CTNNA3: variants seen among roughly 807,000 people sequenced by gnomAD.
CTNNA3 encodes catenin alpha 3.
Under a neutral mutation model 95.7 loss-of-function variants are expected in CTNNA3, and 76 were observed. That is an observed-to-expected ratio of 0.79 (90% CI 0.66 to 0.96). CTNNA3 has a LOEUF of 0.96. CTNNA3 is among the 40% of genes least tolerant of loss of function. CTNNA3 has a pLI of 0.00. For missense variants in CTNNA3, 1,191 were observed against 1,089.8 expected, an observed-to-expected ratio of 1.09 and a Z score of -1.31; for synonymous variants, 431 against 374.4, an observed-to-expected ratio of 1.15 and a Z score of -1.74.
chr10:66,054,365 T>C (rs1394104135), intron 15 of CTNNA3, among the ~76,000 whole-genome samples: 1 of 152,160 alleles, frequency 6.6e-6, no homozygotes, highest in African/African-American at 2.4e-5. Context: ...GAGTTTCCCT[T>C]TTTCCACATT....
chr10:66,161,544 G>C (rs142849344), intron 13 of CTNNA3, among the ~76,000 whole-genome samples: 1,527 of 152,290 alleles, frequency 0.01, 34 homozygotes, highest in African/African-American at 0.035. Context: ...TTTCTAGCTT[G>C]TAGGGTTTCT....
chr10:67,287,113 G>A lies in CTNNA3; in HGVS notation c.580-67243C>T, dbSNP rs1589127737. ...CCAGCACTTTGGGAGGCGGAGGCAG[G>A]TGGATCATGAGGTCAGGAGTTCGAG... On this transcript the variant is annotated intron_variant, in intron 5 of 17. Coordinates refer to ENST00000433211, the MANE Select transcript of CTNNA3 (RefSeq NM_013266.4). Among the ~76,000 whole-genome samples, 5 of 152,168 alleles carry A rather than the reference G, an allele frequency of 3.3e-5. No homozygotes were observed. In the South Asian group the frequency reaches 8.3e-4, roughly 25 times the overall value.
chr10:66,178,340 T>C (rs1169679016), intron 13 of CTNNA3, among the ~76,000 whole-genome samples: 2 of 147,532 alleles, frequency 1.4e-5, no homozygotes, highest in South Asian at 2.1e-4. Context: ...TATATGTGTA[T>C]ACACATATAT....
At chr10:67,525,158 GT>G (rs11367001) in intron 4 of CTNNA3, among the ~76,000 whole-genome samples, 60,071 of 147,784 alleles carry the variant, frequency 0.41, 15,060 homozygotes, top group African/African-American at 0.69. Context: ...TTTATCCTGT[GT>G]TTTTTTTTTT....
intron 3 of CTNNA3, among the ~76,000 whole-genome samples, chr10:67,558,856 G>T (rs1248999719): frequency 3.3e-5 from 5 of 152,226 alleles, no homozygotes; most frequent in Admixed American, 1.3e-4. Flanking sequence ...GGCTCGGAGG[G>T]TCCTACGCCC....
intron 9 of CTNNA3, among the ~76,000 whole-genome samples, chr10:66,696,447 T>C (rs925423149): frequency 7.9e-5 from 12 of 152,184 alleles, no homozygotes; most frequent in African/African-American, 2.9e-4. Context: ...CACCTCTTGG[T>C]ACATAATAAT....
intron 7 of CTNNA3, among the ~76,000 whole-genome samples, chr10:67,043,789 T>C (rs578156567): frequency 1.3e-5 from 2 of 152,320 alleles, no homozygotes; most frequent in East Asian, 1.9e-4. Context: ...TTAGGTTTTA[T>C]GCACAGCAAC....
At chr10:67,446,741 G>A (rs1846763590) in intron 5 of CTNNA3, among the ~76,000 whole-genome samples, 4 of 152,064 alleles carry the variant, frequency 2.6e-5, no homozygotes, top group Admixed American at 2.0e-4. Context: ...AGGGAGATAG[G>A]AGCCCTATCT....
chr10:66,638,136 T>C (rs1034001638), intron 9 of CTNNA3, among the ~76,000 whole-genome samples: 8 of 152,202 alleles, frequency 5.3e-5, no homozygotes, highest in African/African-American at 9.7e-5. Context: ...AGCAATGCCA[T>C]TCTAGGCGTT....
rs138566393 is a variant in CTNNA3 at position 67,679,788 on chromosome 10, G to T, written c.-6+16212C>A. 1.2e-3 allele frequency among the ~76,000 whole-genome samples: 190 copies of T among 152,278 alleles called. 1 individual carries two copies. The highest frequency in any genetic ancestry group is 4.0e-3 in the African/African-American group (167 of 41,576). On this transcript the variant is annotated intron_variant, in intron 1 of 17. Coordinates refer to ENST00000433211, the MANE Select transcript of CTNNA3 (RefSeq NM_013266.4). ...GCTATCTCATACACTGTTGGTCAAA[G>T]TGAATATTGGTAAAATCTCTTTGAA...
rs573151078 is a variant in CTNNA3 at position 66,299,987 on chromosome 10, G to A, written c.1733-19366C>T. Among the ~76,000 whole-genome samples the A allele has an allele frequency of 5.3e-5, 8 of 152,148 alleles. No individual in the cohort carries two copies. The South Asian group carries it at 1.7e-3, about 32-fold the overall frequency. Reference sequence around the variant, plus strand: ...GGTTCACTGCAACCTCTGCCTCCCAGGTATAAGCAATTCTCCTGCCTCAGC... The same window carrying A: ...GGTTCACTGCAACCTCTGCCTCCCAAGTATAAGCAATTCTCCTGCCTCAGC... On this transcript the variant is annotated intron_variant, in intron 12 of 17. Coordinates refer to ENST00000433211, the MANE Select transcript of CTNNA3 (RefSeq NM_013266.4).
chr10:65,922,767 T>G (rs527906986), intron 17 of CTNNA3, among the ~76,000 whole-genome samples: 2 of 152,304 alleles, frequency 1.3e-5, no homozygotes, highest in African/African-American at 4.8e-5. Flanking sequence ...AAAGTTGTAT[T>G]CGTTCATTTA....
Position 66,161,069 on chromosome 10 carries a change from G to A in CTNNA3, c.1885-57820C>T, listed in dbSNP as rs557045545. On this transcript the variant is annotated intron_variant, in intron 13 of 17. Transcript: ENST00000433211. The stretch of plus-strand genomic sequence containing the variant: ...ACACCTTTTCTTTAGGTTTATGTGA[G>A]TCCTTATGTGTAAGGTGAGTCTCCT... Among the ~76,000 whole-genome samples the A allele has an allele frequency of 2.8e-4, 43 of 152,282 alleles. No homozygotes were observed. The South Asian group carries it at 7.5e-3, about 26-fold the overall frequency.
chr10:67,099,157 C>T (rs1452196552), intron 7 of CTNNA3: 1 of 151,608 alleles, frequency 6.6e-6, no homozygotes, highest in African/African-American at 2.4e-5. Context: ...TGACACCAGC[C>T]CAGATCATAT....
intron 17 of CTNNA3, among the ~76,000 whole-genome samples, chr10:65,959,434 G>A (rs2077797480): frequency 6.6e-6 from 1 of 152,162 alleles, no homozygotes; most frequent in Non-Finnish European, 1.5e-5. Context: ...CAGTACCTCA[G>A]TTGGAAATGC....
At chr10:66,195,217 A>T (rs574338137) in intron 13 of CTNNA3, among the ~76,000 whole-genome samples, 2 of 152,044 alleles carry the variant, frequency 1.3e-5, no homozygotes, top group Non-Finnish European at 2.9e-5. Context: ...TTTTTGTTTA[A>T]AAAAAGATGA....
chr10:67,687,360 C>G (rs970709746), intron 1 of CTNNA3, among the ~76,000 whole-genome samples: 1 of 152,162 alleles, frequency 6.6e-6, no homozygotes, highest in African/African-American at 2.4e-5. Context: ...GCATAGTGGA[C>G]ATGGGTGAGG....
intron 10 of CTNNA3, among the ~76,000 whole-genome samples, chr10:66,599,802 T>A (rs1237222789): frequency 6.6e-6 from 1 of 151,904 alleles, no homozygotes; most frequent in East Asian, 1.9e-4. Context: ...CTCTCTGGCC[T>A]CCACTTACCA....
chr10:67,214,834 C>CTT (rs34127214), intron 6 of CTNNA3, among the ~76,000 whole-genome samples: 2 of 151,700 alleles, frequency 1.3e-5, no homozygotes, highest in South Asian at 4.2e-4. Flanking sequence ...ATAGGTAACT[C>CTT]TTTTTTTTCC....
Sources: gnomAD v4.1 joint callset for allele counts (sites outside exome capture counted in the v4.1 genomes callset) on GRCh38, gnomAD v4.1.1 for gene constraint, MANE v1.5 for transcripts, NCBI Gene and HGNC (gene_info 2026-07-23, HGNC 2026-07-21) for gene names.